The following AGBL1 variants were observed in gnomAD, a reference collection of about 807,000 sequenced individuals.
AGBL1 encodes the protein cytosolic carboxypeptidase 4.
In AGBL1, 130 loss-of-function variants were observed where a neutral mutation model predicts 118.9. The ratio of observed to expected loss-of-function variants is 1.09; its 90% CI spans 0.95 to 1.26. The LOEUF (loss-of-function observed/expected upper bound fraction) is 1.26. Among genes scored for constraint, AGBL1 ranks in the 50% most tolerant of loss-of-function variants. The pLI, the probability that AGBL1 is intolerant of heterozygous loss-of-function variation, is 0.00. For synonymous variants in AGBL1, 555 were observed against 478.9 expected (o/e 1.16, Z -2.08); for missense variants, 1,584 against 1,298.1 (o/e 1.22, Z -3.38).
At chr15:86,866,865 C>A (rs190319363) in intron 22 of AGBL1, among the ~76,000 whole-genome samples, 1 of 152,292 alleles carries the variant, frequency 6.6e-6, no homozygotes, top group East Asian at 1.9e-4. Flanking sequence ...CCACTATTTG[C>A]CCATCTGACA....
intron 17 of AGBL1, among the ~76,000 whole-genome samples, chr15:86,377,731 C>A (rs1360756465): frequency 3.3e-5 from 5 of 152,126 alleles, no homozygotes; most frequent in Non-Finnish European, 5.9e-5. Context: ...TGGGGGCTGC[C>A]ATGCTCACTA....
chr15:86,236,932 C>CGG (rs1261815080), intron 6 of AGBL1, among the ~76,000 whole-genome samples: 1,259 of 8,464 alleles, frequency 0.15, 145 homozygotes, highest in Non-Finnish European at 0.23. Flanking sequence ...GATATGTGGG[C>CGG]GGGGGGGGGC....
intron 18 of AGBL1, among the ~76,000 whole-genome samples, chr15:86,432,746 G>T (rs576994362): frequency 1.2e-4 from 19 of 152,344 alleles, no homozygotes; most frequent in Non-Finnish European, 2.4e-4. Flanking sequence ...GAGATCTAAA[G>T]CCTGAGGCTA....
At position 86,354,057 on chromosome 15, in the gene AGBL1, C is replaced by T. The variant is rs113406406; in HGVS notation, c.2375-43309C>T. 7.6e-3 allele frequency among the ~76,000 whole-genome samples: 1,162 copies of T among 152,294 alleles called. 7 individuals are homozygous for T. Among genetic ancestry groups the T allele is most frequent in the Non-Finnish European group, 0.012 (817 of 68,022 alleles). ...CTAATGAGGCGGGTGATTTGCACTT[C>T]TGCATAGATGCAGCTGCTAAATGGC... is the stretch of plus-strand genomic sequence containing the variant. On this transcript the variant is annotated intron_variant, in intron 17 of 22. Transcript: ENST00000614907.
intron 18 of AGBL1, among the ~76,000 whole-genome samples, chr15:86,487,632 G>T (rs951440312): frequency 2.0e-5 from 3 of 151,852 alleles, no homozygotes; most frequent in African/African-American, 7.3e-5. Context: ...TTGGCAAGGA[G>T]GCCGAGACCA....
At chr15:86,880,954 G>A (rs58732685) in intron 22 of AGBL1, among the ~76,000 whole-genome samples, 17,748 of 151,934 alleles carry the variant, frequency 0.12, 1,318 homozygotes, top group Non-Finnish European at 0.16. Context: ...GGGAGGGGGC[G>A]TCTGTGTGTT....
downstream of AGBL1, among the ~76,000 whole-genome samples, chr15:86,918,148 A>G (rs538418449): frequency 1.3e-5 from 2 of 152,366 alleles, no homozygotes; most frequent in Admixed American, 1.3e-4. Context: ...TATGATGGTA[A>G]TGATAATAAT....
intron 18 of AGBL1, among the ~76,000 whole-genome samples, chr15:86,465,852 TCTCA>T (rs1197174147): frequency 6.6e-6 from 1 of 152,220 alleles, no homozygotes; most frequent in Non-Finnish European, 1.5e-5. Context: ...GGCCTTGTGA[TCTCA>T]CTCTGCCTCT....
intron 21 of AGBL1, among the ~76,000 whole-genome samples, chr15:86,652,091 C>A (rs62033662): frequency 0.24 from 36,434 of 151,974 alleles, 5,031 homozygotes; most frequent in East Asian, 0.42. Context: ...TTCCCCAATA[C>A]AATAAAAAGG....
intron 21 of AGBL1, chr15:86,556,386 C>T (rs1596261451): frequency 3.0e-6 from 3 of 1,009,732 alleles, no homozygotes; most frequent in South Asian, 2.8e-5. Flanking sequence ...AAAGCCCTAA[C>T]AGTGCCAGAC....
intron 22 of AGBL1, among the ~76,000 whole-genome samples, chr15:86,888,443 T>G (rs2080003734): frequency 6.6e-6 from 1 of 152,170 alleles, no homozygotes; most frequent in East Asian, 1.9e-4. Flanking sequence ...AAAGGTAATA[T>G]TGATGCTGAA....
intron 15 of AGBL1, among the ~76,000 whole-genome samples, chr15:86,272,166 A>C (rs1013818685): frequency 3.9e-5 from 6 of 152,316 alleles, no homozygotes; most frequent in Non-Finnish European, 7.4e-5. Context: ...TCCCCATAGC[A>C]AGGTAATTTT....
intron 22 of AGBL1, among the ~76,000 whole-genome samples, chr15:86,801,420 T>G (rs1350549268): frequency 6.6e-6 from 1 of 152,008 alleles, no homozygotes; most frequent in Non-Finnish European, 1.5e-5. Context: ...TGCCTGCTAC[T>G]TACTGTGTTG....
In AGBL1 at chr15:86,817,571, G is replaced by GACAC. The variant is rs1408387599; in HGVS notation, c.3159-89513_3159-89512insCACA. Among the ~76,000 whole-genome samples, 22 of 66,570 alleles carry GACAC rather than the reference G, an allele frequency of 3.3e-4. 1 individual carries two copies. Among genetic ancestry groups the GACAC allele is most frequent in the Admixed American group, 1.3e-3 (8 of 6,124 alleles). The allele number at this position is 66,570 out of a possible 152,430, so 43.7% of individuals were successfully genotyped here. A position where few individuals can be genotyped will look rare whatever the true frequency, so the allele number is the denominator to read the frequency against. The stretch of plus-strand genomic sequence containing the variant: ...GACACACAGAGGAGAGAGAGAAAGA[G>GACAC]ACAGACACACACACACACACACAGA... On this transcript the variant is annotated intron_variant, in intron 22 of 22. Transcript: ENST00000614907.
At chr15:86,429,108 G>A (rs1349803277) in intron 18 of AGBL1, among the ~76,000 whole-genome samples, 1 of 152,170 alleles carries the variant, frequency 6.6e-6, no homozygotes, top group Non-Finnish European at 1.5e-5. Context: ...CATTCCAAAG[G>A]GCACCAATTC....
chr15:86,766,363 C>A (rs1284968864), intron 22 of AGBL1, among the ~76,000 whole-genome samples: 1 of 151,784 alleles, frequency 6.6e-6, no homozygotes, highest in East Asian at 1.9e-4. Flanking sequence ...TGTTTCCTTC[C>A]GACCAGACAC....
chr15:86,869,785 A>G (rs1274908576), intron 22 of AGBL1, among the ~76,000 whole-genome samples: 1 of 152,128 alleles, frequency 6.6e-6, no homozygotes, highest in Non-Finnish European at 1.5e-5. Flanking sequence ...TACTTCACAT[A>G]CCTTATCCCA....
chr15:86,612,468 C>T (rs1365309282), intron 21 of AGBL1, among the ~76,000 whole-genome samples: 1 of 151,928 alleles, frequency 6.6e-6, no homozygotes, highest in Non-Finnish European at 1.5e-5. Flanking sequence ...GTCTGACATG[C>T]CTCATCACAC....
At position 86,086,117 on chromosome 15, in the gene AGBL1, C is replaced by T. The variant is rs1895633335; in HGVS notation, c.51+6094C>T. ...AGCGACCCACGCCTACAGCAGAAAG[C>T]CATCACTTGGCAATATTTACTCCAC... is the stretch of plus-strand genomic sequence containing the variant. On this transcript the variant is annotated intron_variant, in intron 1 of 22. Transcript: ENST00000614907. 2.0e-5 allele frequency: 3 copies of T among 152,200 alleles called. No homozygotes were observed. The South Asian group carries it at 6.2e-4, about 32-fold the overall frequency. 9.4% of individuals were successfully genotyped at this position (152,200 alleles called of 1,614,324 possible).
Sources: allele counts gnomAD v4.1 joint callset (sites outside exome capture counted in the v4.1 genomes callset), GRCh38; gene constraint gnomAD v4.1.1; transcripts MANE v1.5; gene names NCBI Gene and HGNC (gene_info 2026-07-23, HGNC 2026-07-21).